AUTS2: variants seen among roughly 807,000 people sequenced by gnomAD.
AUTS2 encodes activator of transcription and developmental regulator AUTS2.
A neutral mutation model predicts 112.4 loss-of-function variants in AUTS2; 17 were observed. That is an observed-to-expected ratio of 0.15 (90% CI 0.10 to 0.23). The LOEUF (loss-of-function observed/expected upper bound fraction) is 0.23. Among genes scored for constraint, AUTS2 ranks in the 10% least tolerant of loss-of-function variants. The probability of loss-of-function intolerance (pLI) is 1.00; values close to 1 mark genes in which losing one functional copy is unlikely to be tolerated. For missense variants in AUTS2, 1,510 were observed against 1,701.6 expected (o/e 0.89, Z 1.98); for synonymous variants, 751 against 702.7 (o/e 1.07, Z -1.09).
At chr7:70,459,603 G>A (rs1215168631) in intron 5 of AUTS2, among the ~76,000 whole-genome samples, 1 of 152,228 alleles carries the variant, frequency 6.6e-6, no homozygotes, top group African/African-American at 2.4e-5. Flanking sequence ...CCATCTCAGA[G>A]TGTAACCTAA....
Position 70,175,301 on chromosome 7 carries a change from G to C in AUTS2, c.660+40730G>C, listed in dbSNP as rs375956201. Among the ~76,000 whole-genome samples, 2 of 152,234 alleles carry C rather than the reference G, an allele frequency of 1.3e-5. 1 individual carries two copies. Among genetic ancestry groups the C allele is most frequent in the Non-Finnish European group, 2.9e-5 (2 of 68,048 alleles). On this transcript the variant is annotated intron_variant, in intron 4 of 18. Coordinates refer to ENST00000342771, the MANE Select transcript of AUTS2 (RefSeq NM_015570.4). Reference sequence around the variant, plus strand: ...ATCTCATCACCAAAATTGAACAGATGAGGAGTTGCTTCTTTATGGATGAAC... The same window carrying C: ...ATCTCATCACCAAAATTGAACAGATCAGGAGTTGCTTCTTTATGGATGAAC...
At chr7:70,697,043 T>C (rs1055085671) in intron 5 of AUTS2, among the ~76,000 whole-genome samples, 2 of 152,238 alleles carry the variant, frequency 1.3e-5, no homozygotes, top group Non-Finnish European at 2.9e-5. Context: ...GAAATCTCAC[T>C]TAATATTTCA....
chr7:70,216,943 G>A (rs870920), intron 4 of AUTS2, among the ~76,000 whole-genome samples: 2 of 151,812 alleles, frequency 1.3e-5, no homozygotes, highest in East Asian at 3.9e-4. Context: ...AGAATCTTGC[G>A]CTGTCACCCA....
At chr7:70,458,415 G>A (rs373512007) in intron 5 of AUTS2, among the ~76,000 whole-genome samples, 1 of 152,178 alleles carries the variant, frequency 6.6e-6, no homozygotes, top group Non-Finnish European at 1.5e-5. Flanking sequence ...GGTCTCTCAA[G>A]TATAAAGAAT....
At chr7:69,665,147 A>T (rs1795974205) in intron 1 of AUTS2, among the ~76,000 whole-genome samples, 1 of 152,040 alleles carries the variant, frequency 6.6e-6, no homozygotes, top group African/African-American at 2.4e-5. Flanking sequence ...CCCTCTCCCC[A>T]CTTTCCACAT....
At chr7:69,736,341 G>T (rs1156257826) in intron 1 of AUTS2, among the ~76,000 whole-genome samples, 1 of 152,134 alleles carries the variant, frequency 6.6e-6, no homozygotes, top group Non-Finnish European at 1.5e-5. Context: ...CATCTGAATT[G>T]GGAAACCTAT....
At chr7:69,926,355 A>T (rs995731887) in intron 2 of AUTS2, among the ~76,000 whole-genome samples, 1 of 152,034 alleles carries the variant, frequency 6.6e-6, no homozygotes, top group Non-Finnish European at 1.5e-5. Flanking sequence ...GTTATGTGGT[A>T]TTGATTGATT....
intron 1 of AUTS2, among the ~76,000 whole-genome samples, chr7:69,617,328 C>G (rs1163917502): frequency 1.3e-5 from 2 of 152,100 alleles, no homozygotes; most frequent in Admixed American, 6.6e-5. Context: ...GATGCTTTAT[C>G]CAGGGTGGGT....
chr7:70,553,095 C>T (rs1376260057), intron 5 of AUTS2, among the ~76,000 whole-genome samples: 1 of 152,214 alleles, frequency 6.6e-6, no homozygotes, highest in African/African-American at 2.4e-5. Context: ...AGGATATCAG[C>T]TCTGCTGTTC....
chr7:70,589,887 C>T (rs568630201), intron 5 of AUTS2, among the ~76,000 whole-genome samples: 1 of 152,120 alleles, frequency 6.6e-6, no homozygotes, highest in Non-Finnish European at 1.5e-5. Context: ...AAGCATCATC[C>T]ACTCCAGCTT....
chr7:70,051,490 G>T (rs1178207920), intron 2 of AUTS2, among the ~76,000 whole-genome samples: 2 of 152,296 alleles, frequency 1.3e-5, no homozygotes, highest in African/African-American at 2.4e-5. Context: ...GCCGAGGCAG[G>T]TGGATCACCT....
At chr7:70,754,124 G>A (rs1789037776) in intron 6 of AUTS2, among the ~76,000 whole-genome samples, 2 of 152,164 alleles carry the variant, frequency 1.3e-5, no homozygotes, top group Non-Finnish European at 2.9e-5. Flanking sequence ...TCGCGCCGCT[G>A]CACTCCAGCC....
At chr7:70,223,049 G>A (rs1249231550) in intron 4 of AUTS2, among the ~76,000 whole-genome samples, 2 of 151,768 alleles carry the variant, frequency 1.3e-5, no homozygotes, top group South Asian at 2.1e-4. Context: ...CACCACACCC[G>A]GCTAATTTTT....
intron 2 of AUTS2, among the ~76,000 whole-genome samples, chr7:70,038,631 C>G (rs536468569): frequency 2.4e-4 from 37 of 151,986 alleles, no homozygotes; most frequent in African/African-American, 8.4e-4. Context: ...CATAAATGGC[C>G]TTGGTTTAGG....
chr7:69,997,390 C>T (rs1423293270), intron 2 of AUTS2, among the ~76,000 whole-genome samples: 1 of 152,104 alleles, frequency 6.6e-6, no homozygotes, highest in Non-Finnish European at 1.5e-5. Context: ...TTAAACTGAC[C>T]ATCTCAATAT....
intron 5 of AUTS2, among the ~76,000 whole-genome samples, chr7:70,606,468 C>T (rs1231907050): frequency 6.6e-6 from 1 of 152,088 alleles, no homozygotes; most frequent in Non-Finnish European, 1.5e-5. Context: ...TTGTTAGCAG[C>T]CGGGGATACA....
chr7:70,085,797 T>C (rs1307202118), intron 2 of AUTS2, among the ~76,000 whole-genome samples: 3 of 152,220 alleles, frequency 2.0e-5, no homozygotes, highest in Non-Finnish European at 4.4e-5. Context: ...ATTTTCTTCC[T>C]TTTTACTAAT....
intron 18 of AUTS2, among the ~76,000 whole-genome samples, chr7:70,787,956 T>C (rs1357071914): frequency 6.6e-6 from 1 of 152,134 alleles, no homozygotes; most frequent in African/African-American, 2.4e-5. Context: ...CACATAGATG[T>C]AGAGAAACGT....
chr7:70,322,583 G>T (rs1790304351), intron 4 of AUTS2, among the ~76,000 whole-genome samples: 1 of 152,156 alleles, frequency 6.6e-6, no homozygotes, highest in Non-Finnish European at 1.5e-5. Context: ...CAAATGTGTT[G>T]TTGTTTCAAT....
Sources: allele counts gnomAD v4.1 joint callset (sites outside exome capture counted in the v4.1 genomes callset), GRCh38; gene constraint gnomAD v4.1.1; transcripts MANE v1.5; gene names NCBI Gene and HGNC (gene_info 2026-07-23, HGNC 2026-07-21).